TRAT1: variants seen among roughly 807,000 people sequenced by gnomAD.
The protein encoded by TRAT1 is T cell receptor associated transmembrane adaptor 1, also known as T-cell receptor-associated transmembrane adapter 1.
A neutral mutation model predicts 20.0 loss-of-function variants in TRAT1; 20 were observed. The observed-to-expected ratio is 1.00, with a 90% CI of 0.70 to 1.45. The LOEUF (loss-of-function observed/expected upper bound fraction) is 1.45, where lower values mean the gene tolerates loss of function less well. TRAT1 is among the 40% of genes most tolerant of loss of function. The pLI is 0.00. For missense variants in TRAT1, 237 were observed against 224.1 expected (o/e 1.06, Z -0.37); for synonymous variants, 77 against 74.2 (o/e 1.04, Z -0.20).
chr3:108,825,023 T>G (rs2107504801), intron 1 of TRAT1, among the ~76,000 whole-genome samples: 1 of 152,242 alleles, frequency 6.6e-6, no homozygotes. Flanking sequence ...CTTTTACAAT[T>G]TCACAGAAGA....
At chr3:108,851,182 C>T (rs1269305694) in intron 5 of TRAT1, among the ~76,000 whole-genome samples, 1 of 152,156 alleles carries the variant, frequency 6.6e-6, no homozygotes, top group African/African-American at 2.4e-5. Context: ...GCATAAGGAA[C>T]TAGGATATTA....
In TRAT1 at chr3:108,829,533, G is replaced by A. The variant is rs550350854; in HGVS notation, c.8-1137G>A. Reference sequence around the variant, plus strand: ...TGGGAGGTGGAGGTTGTAGTGAGCCGAGATCGTGCCACTGCACTTCAGCCT... The same window carrying A: ...TGGGAGGTGGAGGTTGTAGTGAGCCAAGATCGTGCCACTGCACTTCAGCCT... On this transcript the variant is annotated intron_variant, in intron 1 of 5. Transcript: ENST00000295756. 5.3e-5 allele frequency among the ~76,000 whole-genome samples: 8 copies of A among 151,160 alleles called. No homozygotes were observed. In the South Asian group the frequency reaches 1.7e-3, roughly 31 times the overall value.
At chr3:108,847,655 T>C (rs1559825010) in intron 4 of TRAT1, among the ~76,000 whole-genome samples, 1 of 152,192 alleles carries the variant, frequency 6.6e-6, no homozygotes, top group Non-Finnish European at 1.5e-5. Context: ...TAATAAGCGC[T>C]CTTCAGTTCC....
chr3:108,827,862 T>A (rs1342176096), intron 1 of TRAT1, among the ~76,000 whole-genome samples: 4 of 152,186 alleles, frequency 2.6e-5, no homozygotes, highest in Admixed American at 6.6e-5. Context: ...GTTTCTGACA[T>A]ATTTCATGAA....
chr3:108,841,233 C>T (rs1419498733), intron 3 of TRAT1, among the ~76,000 whole-genome samples: 1 of 152,148 alleles, frequency 6.6e-6, no homozygotes, highest in Non-Finnish European at 1.5e-5. Flanking sequence ...ATAAAATAAC[C>T]TATTGTCTAT....
At chr3:108,852,060 G>GAT (rs1360636433) in intron 5 of TRAT1, among the ~76,000 whole-genome samples, 37 of 151,514 alleles carry the variant, frequency 2.4e-4, no homozygotes, top group African/African-American at 8.5e-4. Context: ...TAAGAAGCTA[G>GAT]ACACAACAAC....
chr3:108,837,098 G>T (rs1945848080), intron 2 of TRAT1, among the ~76,000 whole-genome samples: 1 of 151,790 alleles, frequency 6.6e-6, no homozygotes, highest in South Asian at 2.1e-4. Context: ...CAGGTTTTTT[G>T]ATTTTGCTGA....
intron 2 of TRAT1, among the ~76,000 whole-genome samples, chr3:108,836,794 C>T (rs868639683): frequency 3.3e-5 from 5 of 152,292 alleles, no homozygotes; most frequent in Middle Eastern, 3.4e-3. Flanking sequence ...AAGCAATTTG[C>T]GTGTTGTCAC....
chr3:108,853,268 T>C (rs1946013267), intron 5 of TRAT1, among the ~76,000 whole-genome samples: 1 of 152,134 alleles, frequency 6.6e-6, no homozygotes, highest in Non-Finnish European at 1.5e-5. Context: ...TTTAATAAAC[T>C]GGAGTATCGT....
chr3:108,829,586 AACACACACACACACAC>A (rs144318236), intron 1 of TRAT1, among the ~76,000 whole-genome samples: 1 of 142,474 alleles, frequency 7.0e-6, no homozygotes, highest in Non-Finnish European at 1.5e-5. Context: ...TCCATCTCAA[AACACACACACACACAC>A]ACACACACAC....
At chr3:108,842,011 G>A (rs990702551) in intron 3 of TRAT1, among the ~76,000 whole-genome samples, 3 of 152,090 alleles carry the variant, frequency 2.0e-5, no homozygotes, top group Non-Finnish European at 4.4e-5. Context: ...TATTTACAGA[G>A]GGTAGTTGAC....
intron 5 of TRAT1, among the ~76,000 whole-genome samples, chr3:108,849,751 G>A (rs1451136820): frequency 6.6e-6 from 1 of 152,132 alleles, no homozygotes; most frequent in Non-Finnish European, 1.5e-5. Flanking sequence ...GCAAGAGATT[G>A]CAAAATATAC....
chr3:108,838,791 A>G (rs1053248049), intron 2 of TRAT1, 143 bp from the exon 3 acceptor site: 33 of 702,868 alleles, frequency 4.7e-5, no homozygotes, highest in Non-Finnish European at 4.1e-5. Context: ...CTTTAACCCT[A>G]CTTCAATCAG....
Position 108,853,797 on chromosome 3 carries a change from C to T in TRAT1, c.481C>T (p.Gln161Ter). Residue 161 changes from glutamine (Q) to a stop codon, truncating the protein, a stop_gained, in exon 6 of 6, where the codon CAG (glutamine) becomes TAG (stop). Transcript: ENST00000295756. LOFTEE classifies it high-confidence loss of function. ...AGTAGACAGTTTCTCCCCAGAAAGC[C>T]AGGCAGTAGAGGAAAACATTCATGA... ...TLVDSFSPES[Q>*]AVEENIHDDP... 6.2e-7 allele frequency: 1 copy of T among 1,614,114 alleles called. No individual in the cohort carries two copies. Among genetic ancestry groups the T allele is most frequent in the Non-Finnish European group, 8.5e-7 (1 of 1,179,968 alleles).
rs748132967 is a variant in TRAT1, at chr3:108,823,049, G to T, written c.7+115G>T. ...GAAAGTAGTTATTTTAAAAATGTTGGATAACTTTTAGTGTAATTAAAATAT... is the reference window on the plus strand; with the variant it reads ...GAAAGTAGTTATTTTAAAAATGTTGTATAACTTTTAGTGTAATTAAAATAT... On this transcript the variant is annotated intron_variant, in intron 1 of 5. Transcript: ENST00000295756. The T allele has an allele frequency of 8.0e-5, 73 of 917,540 alleles. No homozygotes were observed. In the Middle Eastern group the frequency reaches 1.7e-3, roughly 21 times the overall value. 56.8% of individuals were successfully genotyped at this position (917,540 alleles called of 1,614,324 possible).
intron 1 of TRAT1, among the ~76,000 whole-genome samples, chr3:108,827,066 T>A (rs1945746544): frequency 6.6e-6 from 1 of 152,198 alleles, no homozygotes; most frequent in African/African-American, 2.4e-5. Context: ...GGAGAGAAAC[T>A]TAAATCATGA....
rs544881907 is a variant in TRAT1, at chr3:108,846,482, G to T, written c.153-586G>T. 5.3e-4 allele frequency among the ~76,000 whole-genome samples: 81 copies of T among 152,246 alleles called. 1 individual carries two copies. Among genetic ancestry groups the T allele is most frequent in the African/African-American group, 1.8e-3 (76 of 41,554 alleles). The stretch of plus-strand genomic sequence containing the variant: ...TGTAAAACACCTAACTCACCATCTG[G>T]ACATAATAGGTGATCAATCATTTTA... On this transcript the variant is annotated intron_variant, in intron 3 of 5. Transcript: ENST00000295756.
At chr3:108,841,804 T>C (rs1311995975) in intron 3 of TRAT1, among the ~76,000 whole-genome samples, 1 of 152,204 alleles carries the variant, frequency 6.6e-6, no homozygotes, top group Non-Finnish European at 1.5e-5. Context: ...GGTCACTTTA[T>C]TTCTCATTTA....
At chr3:108,853,383 A>C (rs772005555) in intron 5 of TRAT1, among the ~76,000 whole-genome samples, 4 of 152,216 alleles carry the variant, frequency 2.6e-5, no homozygotes, top group Non-Finnish European at 4.4e-5. Flanking sequence ...GAGTATAATA[A>C]AGAAATAAAA....
Sources: allele counts gnomAD v4.1 joint callset (sites outside exome capture counted in the v4.1 genomes callset), GRCh38; gene constraint gnomAD v4.1.1; transcripts MANE v1.5; gene names NCBI Gene and HGNC (gene_info 2026-07-23, HGNC 2026-07-21).